RAPGEF5: variants seen among roughly 807,000 people sequenced by gnomAD.
RAPGEF5 encodes M-Ras-regulated GEF.
Under a neutral mutation model 125.2 loss-of-function variants are expected in RAPGEF5, and 65 were observed. That is an observed-to-expected ratio of 0.52 (90% confidence interval 0.43 to 0.64). RAPGEF5 has a LOEUF of 0.64. Among genes scored for constraint, RAPGEF5 ranks in the 30% least tolerant of loss-of-function variants. The probability of loss-of-function intolerance (pLI) is 0.00; values close to 1 mark genes in which losing one functional copy is unlikely to be tolerated. For synonymous variants in RAPGEF5, 391 were observed against 385.9 expected (o/e 1.01, Z -0.16); for missense variants, 958 against 1,048.1 (o/e 0.91, Z 1.19).
chr7:22,214,947 A>G (rs1299130366), intron 9 of RAPGEF5, among the ~76,000 whole-genome samples: 1 of 152,206 alleles, frequency 6.6e-6, no homozygotes, highest in Non-Finnish European at 1.5e-5. Context: ...TCAGATTGAA[A>G]TAATATAATT....
At chr7:22,287,127 C>T (rs1411254240) in intron 6 of RAPGEF5, among the ~76,000 whole-genome samples, 3 of 152,160 alleles carry the variant, frequency 2.0e-5, no homozygotes, top group Admixed American at 6.5e-5. Flanking sequence ...TGTCCTTTTT[C>T]CTTAAGCTGA....
In RAPGEF5 at chr7:22,166,688, G is replaced by T. The variant is rs1583437149; in HGVS notation, c.1283+382C>A. ...CATATGTGCATTTTCCTTCACAAGT[G>T]GTCTGACACTTAACTGATTCTCCTT... On this transcript the variant is annotated intron_variant, in intron 12 of 25. Coordinates refer to ENST00000665637, the MANE Select transcript of RAPGEF5 (RefSeq NM_012294.5). 2.0e-5 allele frequency among the ~76,000 whole-genome samples: 3 copies of T among 152,152 alleles called. No homozygotes were observed. The East Asian group carries it at 5.8e-4, about 29-fold the overall frequency.
At chr7:22,238,913 G>A (rs927499150) in intron 7 of RAPGEF5, among the ~76,000 whole-genome samples, 1 of 152,138 alleles carries the variant, frequency 6.6e-6, no homozygotes, top group Non-Finnish European at 1.5e-5. Context: ...GACACTATCT[G>A]TACCAATATG....
rs752115456 is a variant in RAPGEF5 at position 22,162,539 on chromosome 7, T to C, written c.1286A>G (p.Tyr429Cys). 1.2e-6 allele frequency: 2 copies of C among 1,606,422 alleles called. No homozygotes were observed. The highest frequency in any genetic ancestry group is 1.7e-6 in the Non-Finnish European group (2 of 1,174,120). ...TTTGCCTTGATACTTCTTAGCAGAA[T>C]AGGTGCAAATGGTTAAGAAAAAATT... is the stretch of plus-strand genomic sequence containing the variant. ...DDLCQALLRH[Y>C]SAKKYQGKEE... The change falls in exon 13 of 26, where the codon TAT becomes TGT. Residue 429 changes from tyrosine to cysteine, a missense_variant and splice_region_variant. Coordinates refer to ENST00000665637, the MANE Select transcript of RAPGEF5 (RefSeq NM_012294.5).
At chr7:22,175,624 G>A (rs1784480115) in intron 11 of RAPGEF5, among the ~76,000 whole-genome samples, 1 of 152,276 alleles carries the variant, frequency 6.6e-6, no homozygotes, top group East Asian at 1.9e-4. Flanking sequence ...CGGACCTCTC[G>A]GAGTTGCTGC....
In RAPGEF5 at chr7:22,164,440, G is replaced by C. The variant is rs140819205; in HGVS notation, c.1284-1899C>G. ...AAAGAAATCAAGAAAATTAAGAAAT[G>C]CAATTTTTTAGGTCATCATATGTAA... is the stretch of plus-strand genomic sequence containing the variant. On this transcript the variant is annotated intron_variant, in intron 12 of 25. Transcript: ENST00000665637. Among the ~76,000 whole-genome samples, 17 of 152,148 alleles carry C rather than the reference G, an allele frequency of 1.1e-4. No homozygotes were observed. The East Asian group carries it at 3.3e-3, about 29-fold the overall frequency.
intron 24 of RAPGEF5, among the ~76,000 whole-genome samples, chr7:22,129,200 G>C (rs1370254691): frequency 1.3e-5 from 2 of 152,050 alleles, no homozygotes; most frequent in African/African-American, 4.8e-5. Flanking sequence ...CACTATCTGA[G>C]GGGGAAATGA....
rs556289527 is a variant in RAPGEF5, at chr7:22,275,673, C to T, written c.748-8661G>A. ...TTAAGAATGTCTCATTTCCTAATGA[C>T]CCCACTACCAAAAGAGAACAAGCAT... On this transcript the variant is annotated intron_variant, in intron 6 of 25. Transcript: ENST00000665637. Among the ~76,000 whole-genome samples the T allele has an allele frequency of 1.3e-3, 192 of 151,946 alleles. 1 individual carries two copies. Among genetic ancestry groups the T allele is most frequent in the African/African-American group, 3.8e-3 (155 of 41,326 alleles).
At chr7:22,316,487 ATATT>A (rs1456697837) in intron 2 of RAPGEF5, among the ~76,000 whole-genome samples, 7 of 34,134 alleles carry the variant, frequency 2.1e-4, no homozygotes, top group African/African-American at 8.6e-4. Context: ...ATATATATAT[ATATT>A]TTTTTTTTTT....
At chr7:22,129,524 G>C (rs554922311) in intron 24 of RAPGEF5, among the ~76,000 whole-genome samples, 2 of 152,174 alleles carry the variant, frequency 1.3e-5, no homozygotes, top group Non-Finnish European at 2.9e-5. Flanking sequence ...AAACGACAGG[G>C]ATTAACCTGC....
Position 22,315,472 on chromosome 7 carries a change from T to G in RAPGEF5, c.287A>C (p.Tyr96Ser). 6.7e-7 allele frequency: 1 copy of G among 1,482,696 alleles called. No homozygotes were observed. The highest frequency in any genetic ancestry group is 8.9e-7 in the Non-Finnish European group (1 of 1,119,280). 91.8% of individuals were successfully genotyped at this position (1,482,696 alleles called of 1,614,324 possible). Residue 96 changes from tyrosine (Y) to serine (S), a missense_variant, in exon 3 of 26, where the codon TAT becomes TCT. Physicochemically the swap from Tyr to Ser is moderately radical, Grantham distance 144. Transcript: ENST00000665637. ...PYLEHTPSQI[Y>S]GENSSCAGRA... ...TCCTGCACAAGAAGAATTCTCTCCA[T>G]AAATCTAAATGGAAAAGACAGTCAC...
intron 8 of RAPGEF5, among the ~76,000 whole-genome samples, chr7:22,229,672 A>T (rs761319781): frequency 3.3e-5 from 5 of 152,188 alleles, no homozygotes; most frequent in Non-Finnish European, 5.9e-5. Context: ...CCATCCAGAG[A>T]ACTTATATAG....
chr7:22,178,379 C>T lies in RAPGEF5; in HGVS notation c.1205-11231G>A, dbSNP rs117705952. ...ATTCTGACACTACCTGGAGATAGCA[C>T]AGACCTCACAGACCAGGGGCTCAAT... On this transcript the variant is annotated intron_variant, in intron 11 of 25. Transcript: ENST00000665637. Among the ~76,000 whole-genome samples, 598 of 152,260 alleles carry T rather than the reference C, an allele frequency of 3.9e-3. 1 individual carries two copies. Among genetic ancestry groups the T allele is most frequent in the South Asian group, 0.014 (66 of 4,826 alleles).
At position 22,125,677 on chromosome 7, in the gene RAPGEF5, A is replaced by G; in HGVS notation, c.2482-19T>C. On this transcript the variant is annotated intron_variant, in intron 24 of 25. Coordinates refer to ENST00000665637, the MANE Select transcript of RAPGEF5 (RefSeq NM_012294.5). Reference sequence around the variant, plus strand: ...TCATATGCTGTAAAGTAGAACAGGAAACACATCAATGGAAGGGTCGTTGAG... The same window carrying G: ...TCATATGCTGTAAAGTAGAACAGGAGACACATCAATGGAAGGGTCGTTGAG... 1 of 1,600,666 alleles carries G rather than the reference A, an allele frequency of 6.2e-7. No individual in the cohort carries two copies. The highest frequency in any genetic ancestry group is 8.6e-7 in the Non-Finnish European group (1 of 1,167,978).
chr7:22,206,158 TAGAC>T (rs1263419290), intron 9 of RAPGEF5, among the ~76,000 whole-genome samples: 1 of 152,154 alleles, frequency 6.6e-6, no homozygotes, highest in African/African-American at 2.4e-5. Flanking sequence ...GAAGAAATCT[TAGAC>T]ATCTAATATC....
chr7:22,285,934 T>C (rs1456625155), intron 6 of RAPGEF5, among the ~76,000 whole-genome samples: 1 of 152,126 alleles, frequency 6.6e-6, no homozygotes, highest in African/African-American at 2.4e-5. Context: ...AATAGAAACA[T>C]CTAAATGGAT....
intron 18 of RAPGEF5, among the ~76,000 whole-genome samples, chr7:22,149,251 G>T (rs145063502): frequency 6.6e-6 from 1 of 152,176 alleles, no homozygotes; most frequent in Admixed American, 6.5e-5. Flanking sequence ...TGCAGACAAC[G>T]TTACATAAAA....
At chr7:22,302,652 AAC>A (rs1783237368) in intron 5 of RAPGEF5, among the ~76,000 whole-genome samples, 1 of 152,190 alleles carries the variant, frequency 6.6e-6, no homozygotes, top group Admixed American at 6.5e-5. Flanking sequence ...TACCTTGAGA[AAC>A]AGGGAGAAAT....
At chr7:22,335,030 G>C (rs1309479297) in intron 1 of RAPGEF5, among the ~76,000 whole-genome samples, 1 of 152,210 alleles carries the variant, frequency 6.6e-6, no homozygotes, top group Non-Finnish European at 1.5e-5. Context: ...TTACAAAGAA[G>C]AGTGTTATGT....
Sources: allele counts gnomAD v4.1 joint callset (sites outside exome capture counted in the v4.1 genomes callset), GRCh38; gene constraint gnomAD v4.1.1; transcripts MANE v1.5; gene names NCBI Gene and HGNC (gene_info 2026-07-23, HGNC 2026-07-21).